The following ERG variants were observed in gnomAD, a reference collection of about 807,000 sequenced individuals.
ERG encodes the protein transcriptional regulator ERG.
ERG carries 9 observed loss-of-function variants against 55.3 expected under a neutral mutation model. That is an observed-to-expected ratio of 0.16 (90% CI 0.10 to 0.28). The LOEUF is 0.28. Among genes scored for constraint, ERG ranks in the 10% least tolerant of loss-of-function variants. ERG has a pLI of 1.00. For missense variants in ERG, 434 were observed against 631.6 expected (o/e 0.69, Z 3.35); for synonymous variants, 223 against 237.3 (o/e 0.94, Z 0.55).
chr21:38,449,476 G>A (rs74799985), intron 1 of ERG, among the ~76,000 whole-genome samples: 2,142 of 152,224 alleles, frequency 0.014, 60 homozygotes, highest in African/African-American at 0.049. Flanking sequence ...TTTTGGTCAT[G>A]GGATAACAGT....
chr21:38,443,893 T>C (rs1317990605), intron 2 of ERG, among the ~76,000 whole-genome samples: 1 of 152,354 alleles, frequency 6.6e-6, no homozygotes, highest in Middle Eastern at 3.4e-3. Context: ...AGATTCAAGA[T>C]GGGCCTGCCT....
intron 2 of ERG, among the ~76,000 whole-genome samples, chr21:38,437,170 T>C (rs982943539): frequency 6.6e-6 from 1 of 152,198 alleles, no homozygotes; most frequent in African/African-American, 2.4e-5. Context: ...ATTACAAGTG[T>C]GAGCCACCTG....
intron 1 of ERG, among the ~76,000 whole-genome samples, chr21:38,600,205 C>T (rs903278903): frequency 6.6e-6 from 1 of 152,058 alleles, no homozygotes; most frequent in Admixed American, 6.5e-5. Context: ...GCTTTGGCTA[C>T]CCTGGGGCTG....
chr21:38,392,775 C>G (rs2146432976), intron 6 of ERG, among the ~76,000 whole-genome samples: 1 of 152,316 alleles, frequency 6.6e-6, no homozygotes, highest in African/African-American at 2.4e-5. Context: ...TGGGACTGAT[C>G]TACATCTGTC....
chr21:38,615,857 A>G (rs982350409), intron 1 of ERG, among the ~76,000 whole-genome samples: 6 of 152,008 alleles, frequency 3.9e-5, no homozygotes, highest in African/African-American at 1.5e-4. Flanking sequence ...AGTTGAGAAG[A>G]GATGCATACA....
intron 1 of ERG, chr21:38,470,813 A>G (rs2059132507): frequency 6.6e-6 from 1 of 152,244 alleles, no homozygotes; most frequent in Non-Finnish European, 1.5e-5. Context: ...ATACAGAAGT[A>G]GAAGATTTAA....
intron 2 of ERG, among the ~76,000 whole-genome samples, chr21:38,572,389 ACTTC>A (rs1186281469): frequency 6.7e-6 from 1 of 150,010 alleles, no homozygotes. Flanking sequence ...AAAAAAAAGA[ACTTC>A]CTTCCCAGAA....
At chr21:38,625,261 G>A (rs1003345465) in intron 1 of ERG, among the ~76,000 whole-genome samples, 1 of 152,058 alleles carries the variant, frequency 6.6e-6, no homozygotes, top group Non-Finnish European at 1.5e-5. Flanking sequence ...TGTGATGGAA[G>A]AATACAAAAT....
chr21:38,557,508 G>T (rs2059865384), intron 2 of ERG, among the ~76,000 whole-genome samples: 1 of 152,002 alleles, frequency 6.6e-6, no homozygotes, highest in Admixed American at 6.5e-5. Context: ...GGACCAACCT[G>T]AGGTTTGTAG....
chr21:38,550,465 G>C (rs1321172839), intron 2 of ERG, among the ~76,000 whole-genome samples: 1 of 152,198 alleles, frequency 6.6e-6, no homozygotes, highest in South Asian at 2.1e-4. Context: ...CATAAGGATG[G>C]AGGTCTCATG....
upstream of ERG, among the ~76,000 whole-genome samples, chr21:38,585,532 C>CTTCTTTTTTTTTT (rs777496862): frequency 1.7e-5 from 1 of 59,270 alleles, no homozygotes; most frequent in South Asian, 8.7e-4. Flanking sequence ...TCTCTCTCTT[C>CTTCTTTTTTTTTT]TTTTTTTTTT....
At chr21:38,506,256 G>A (rs1220802517) in intron 2 of ERG, among the ~76,000 whole-genome samples, 1 of 152,136 alleles carries the variant, frequency 6.6e-6, no homozygotes, top group East Asian at 1.9e-4. Flanking sequence ...TCCCAAATGT[G>A]AGTTGCATCA....
chr21:38,572,215 A>C (rs1448529369), intron 2 of ERG, among the ~76,000 whole-genome samples: 2 of 150,448 alleles, frequency 1.3e-5, no homozygotes, highest in African/African-American at 4.9e-5. Flanking sequence ...AAAAATGCAA[A>C]AAATTAGCCA....
chr21:38,493,745 C>A (rs568943795), intron 1 of ERG, among the ~76,000 whole-genome samples: 1 of 152,140 alleles, frequency 6.6e-6, no homozygotes, highest in African/African-American at 2.4e-5. Context: ...TCCACCTGCC[C>A]CTGTGTGTGG....
At chr21:38,537,430 C>A in intron 2 of ERG, among the ~76,000 whole-genome samples, 1 of 74,176 alleles carries the variant, frequency 1.3e-5, no homozygotes. Context: ...GGATTAATAT[C>A]CAGAAAAAAA....
At chr21:38,396,873 A>G (rs899893745) in intron 6 of ERG, among the ~76,000 whole-genome samples, 2 of 152,324 alleles carry the variant, frequency 1.3e-5, no homozygotes, top group Middle Eastern at 6.8e-3. Context: ...AGTAACTGCA[A>G]CAACGTGAGA....
At chr21:38,531,349 T>C (rs2059670943) in intron 2 of ERG, among the ~76,000 whole-genome samples, 1 of 152,192 alleles carries the variant, frequency 6.6e-6, no homozygotes, top group Non-Finnish European at 1.5e-5. Flanking sequence ...TGAGGCGACA[T>C]GGTTTTGTGA....
Position 38,414,224 on chromosome 21 carries a change from C to T in ERG, c.388+9186G>A, listed in dbSNP as rs1989183130. Reference sequence around the variant, plus strand: ...ACATGGAGTTCTCCCTCTGTGTTTCCATATCATCTTCCCTCTGTGTGTGTC... The same window carrying T: ...ACATGGAGTTCTCCCTCTGTGTTTCTATATCATCTTCCCTCTGTGTGTGTC... On this transcript the variant is annotated intron_variant, in intron 3 of 9. Transcript: ENST00000288319. Among the ~76,000 whole-genome samples the T allele has an allele frequency of 2.6e-5, 4 of 152,218 alleles. No homozygotes were observed. In the South Asian group the frequency reaches 8.3e-4, roughly 32 times the overall value.
chr21:38,438,542 T>A (rs2058811790), intron 2 of ERG, among the ~76,000 whole-genome samples: 1 of 152,146 alleles, frequency 6.6e-6, no homozygotes. Context: ...TTAAATAACA[T>A]CTATAAAACA....
Sources: gnomAD v4.1 joint callset for allele counts (sites outside exome capture counted in the v4.1 genomes callset) on GRCh38, gnomAD v4.1.1 for gene constraint, MANE v1.5 for transcripts, NCBI Gene and HGNC (gene_info 2026-07-23, HGNC 2026-07-21) for gene names.